BAIAP2L1: variants seen among roughly 807,000 people sequenced by gnomAD.
BAIAP2L1 encodes the protein BAR/IMD domain-containing adapter protein 2-like 1.
Under a neutral mutation model 66.3 loss-of-function variants are expected in BAIAP2L1, and 35 were observed. The ratio of observed to expected loss-of-function variants is 0.53; its 90% CI spans 0.40 to 0.70. The LOEUF is 0.70. Ranked by LOEUF, BAIAP2L1 falls within the 30% of genes least tolerant of loss-of-function variation. BAIAP2L1 has a pLI of 0.00. For missense variants in BAIAP2L1, 622 were observed against 656.9 expected (o/e 0.95, Z 0.58); for synonymous variants, 269 against 248.7 (o/e 1.08, Z -0.77).
At chr7:98,314,018 C>G (rs965877097) in intron 7 of BAIAP2L1, among the ~76,000 whole-genome samples, 2 of 124,502 alleles carry the variant, frequency 1.6e-5, no homozygotes, top group Non-Finnish European at 3.2e-5. Flanking sequence ...CAGAGTCTTG[C>G]TCTGTTGCCC....
At chr7:98,321,883 G>A (rs1801257448) in intron 3 of BAIAP2L1, among the ~76,000 whole-genome samples, 1 of 152,096 alleles carries the variant, frequency 6.6e-6, no homozygotes, top group African/African-American at 2.4e-5. Context: ...GTATCACGAG[G>A]TAAGGAGTTC....
chr7:98,342,224 G>C (rs1355646513), intron 3 of BAIAP2L1, among the ~76,000 whole-genome samples: 1 of 151,812 alleles, frequency 6.6e-6, no homozygotes. Flanking sequence ...GCTAACTTTT[G>C]TATTTTTAGT....
rs1802891686 is a variant in BAIAP2L1, at chr7:98,386,395, C to G, written c.51+14407G>C. The G allele has an allele frequency of 5.0e-6, 8 of 1,593,148 alleles. No individual in the cohort carries two copies. In the East Asian group the frequency reaches 1.1e-4, roughly 22 times the overall value. On this transcript the variant is annotated intron_variant, in intron 1 of 13. Transcript: ENST00000005260. ...GCAAGACTCACTTCAAACACACGAC[C>G]CTTGAGACCATCAGATGCAATTTTG...
chr7:98,295,194 C>G (rs1458742979), intron 12 of BAIAP2L1, among the ~76,000 whole-genome samples: 2 of 152,212 alleles, frequency 1.3e-5, no homozygotes, highest in African/African-American at 4.8e-5. Context: ...GAGGCCCAGG[C>G]CAGGCCTCCT....
At chr7:98,367,633 T>C (rs1802416345) in intron 1 of BAIAP2L1, among the ~76,000 whole-genome samples, 1 of 148,820 alleles carries the variant, frequency 6.7e-6, no homozygotes, top group Admixed American at 6.9e-5. Context: ...CCTCTGGGGT[T>C]CACGTCATTC....
rs375225498 is a variant in BAIAP2L1, at chr7:98,325,124, C to A, written c.215-4826G>T. Among the ~76,000 whole-genome samples, 183 of 152,304 alleles carry A rather than the reference C, an allele frequency of 1.2e-3. 1 individual carries two copies. Among genetic ancestry groups the A allele is most frequent in the African/African-American group, 4.1e-3 (170 of 41,562 alleles). ...TGGAGGCCAGGTGCAGTGGCTCACG[C>A]CTGTAATCCTAGCACTTTGGGAGGC... On this transcript the variant is annotated intron_variant, in intron 3 of 13. Coordinates refer to ENST00000005260, the MANE Select transcript of BAIAP2L1 (RefSeq NM_018842.5).
intron 3 of BAIAP2L1, among the ~76,000 whole-genome samples, chr7:98,335,077 C>T (rs567721326): frequency 1.2e-3 from 169 of 144,176 alleles, no homozygotes; most frequent in Middle Eastern, 3.9e-3. Context: ...GGTGTGAACC[C>T]GGGAGGCGGA....
intron 12 of BAIAP2L1, among the ~76,000 whole-genome samples, chr7:98,295,945 C>T (rs991311923): frequency 2.0e-5 from 3 of 152,196 alleles, no homozygotes; most frequent in Admixed American, 1.3e-4. Flanking sequence ...ACCCCGTGCA[C>T]GCATGCCTGG....
At chr7:98,382,753 C>T (rs991166109) in intron 1 of BAIAP2L1, among the ~76,000 whole-genome samples, 2 of 152,162 alleles carry the variant, frequency 1.3e-5, no homozygotes, top group Non-Finnish European at 2.9e-5. Context: ...ACACCGGCCT[C>T]CATCAGATGA....
chr7:98,362,843 T>G (rs1802302757), intron 1 of BAIAP2L1, among the ~76,000 whole-genome samples: 1 of 152,118 alleles, frequency 6.6e-6, no homozygotes, highest in Non-Finnish European at 1.5e-5. Context: ...AAGGCAATGT[T>G]TCAAATAGAT....
chr7:98,304,527 A>C, intron 11 of BAIAP2L1, 151 bp from the exon 12 acceptor site: 2 of 785,018 alleles, frequency 2.5e-6, no homozygotes, highest in East Asian at 2.9e-5. Context: ...CACACAGTAC[A>C]TATATCAATA....
chr7:98,353,506 A>ATTATAAATACACATATAT (rs1186234467), intron 3 of BAIAP2L1, among the ~76,000 whole-genome samples: 1 of 131,952 alleles, frequency 7.6e-6, no homozygotes, highest in East Asian at 2.0e-4. Flanking sequence ...ATATATTTAT[A>ATTATAAATACACATATAT]TTATAAATAC....
intron 1 of BAIAP2L1, among the ~76,000 whole-genome samples, chr7:98,391,527 G>A (rs1326996872): frequency 1.3e-5 from 2 of 151,820 alleles, no homozygotes; most frequent in Admixed American, 1.3e-4. Context: ...GGCTAACAGA[G>A]GGAAACCCTG....
chr7:98,401,053 T>C lies in BAIAP2L1; in HGVS notation c.-201A>G. The stretch of plus-strand genomic sequence containing the variant: ...TGCGGCAGCGCCGCCCTGGCCTTCT[T>C]CGAGGAGCAGAGGAGAAGCGGCCGG... On this transcript the variant is annotated 5_prime_UTR_variant, in exon 1 of 14. Coordinates refer to ENST00000005260, the MANE Select transcript of BAIAP2L1 (RefSeq NM_018842.5). 4 of 395,060 alleles carry C rather than the reference T, an allele frequency of 1.0e-5. No individual in the cohort carries two copies. The highest frequency in any genetic ancestry group is 4.8e-5 in the Admixed American group (1 of 20,640). The allele number at this position is 395,060 out of a possible 1,614,324, so 24.5% of individuals were successfully genotyped here.
intron 1 of BAIAP2L1, among the ~76,000 whole-genome samples, chr7:98,375,681 G>A (rs1338134200): frequency 3.3e-5 from 5 of 150,320 alleles, no homozygotes; most frequent in Admixed American, 2.7e-4. Flanking sequence ...TCTGGGAGGC[G>A]GAGGTTGCGG....
chr7:98,371,839 G>A (rs1802517248), intron 1 of BAIAP2L1, among the ~76,000 whole-genome samples: 1 of 151,170 alleles, frequency 6.6e-6, no homozygotes, highest in South Asian at 2.1e-4. Context: ...CTGTCACCCA[G>A]GCTGTAGTGC....
intron 3 of BAIAP2L1, among the ~76,000 whole-genome samples, chr7:98,343,266 CACACACACACACACACACACAG>C (rs1344694556): frequency 1.6e-4 from 24 of 150,178 alleles, no homozygotes; most frequent in African/African-American, 5.7e-4. Context: ...CACACACACA[CACACACACACACACACACACAG>C]ACACACACAC....
chr7:98,340,812 G>A (rs1255718877), intron 3 of BAIAP2L1, among the ~76,000 whole-genome samples: 2 of 134,846 alleles, frequency 1.5e-5, no homozygotes, highest in East Asian at 2.1e-4. Context: ...TTTTTTTGCA[G>A]GGGACAGAGT....
At chr7:98,308,417 CAG>C (rs1800746874) in intron 9 of BAIAP2L1, 1 of 393,702 alleles carries the variant, frequency 2.5e-6, no homozygotes, top group Middle Eastern at 3.6e-4. Context: ...GTTCCATTTA[CAG>C]AGTCCTCACC....
Sources: gnomAD v4.1 joint callset for allele counts (sites outside exome capture counted in the v4.1 genomes callset) on GRCh38, gnomAD v4.1.1 for gene constraint, MANE v1.5 for transcripts, NCBI Gene and HGNC (gene_info 2026-07-23, HGNC 2026-07-21) for gene names.